The following KCNN2 variants were observed in gnomAD, a reference collection of about 807,000 sequenced individuals.
The protein encoded by KCNN2 is small conductance calcium-activated potassium channel protein 2.
In KCNN2, 24 loss-of-function variants were observed where a neutral mutation model predicts 55.5. That is an observed-to-expected ratio of 0.43 (90% CI 0.31 to 0.61). The LOEUF is 0.61. Ranked by LOEUF, KCNN2 falls within the 20% of genes least tolerant of loss-of-function variation. KCNN2 has a pLI of 0.08. For synonymous variants in KCNN2, 431 were observed against 336.1 expected, an observed-to-expected ratio of 1.28 and a Z score of -3.09; for missense variants, 754 against 853.6, an observed-to-expected ratio of 0.88 and a Z score of 1.45.
intron 2 of KCNN2, among the ~76,000 whole-genome samples, chr5:114,330,257 A>G (rs1756791080): frequency 6.6e-6 from 1 of 152,182 alleles, no homozygotes; most frequent in African/African-American, 2.4e-5. Context: ...TTAGTTCAGG[A>G]AGTTCCTGGG....
rs192223039 is a variant in KCNN2, at chr5:114,463,332, A to G, written c.1779+142A>G. On this transcript the variant is annotated intron_variant, in intron 4 of 7. Transcript: ENST00000673685. ...GTATAAATAAATCAATTTTGTGTTG[A>G]GAGAGAATGTCAACAGTTTTCCTCT... The G allele has an allele frequency of 3.5e-4, 216 of 609,508 alleles. No homozygotes were observed. In the East Asian group the frequency reaches 4.1e-3, roughly 12 times the overall value. 37.8% of individuals were successfully genotyped at this position (609,508 alleles called of 1,614,324 possible). A position where few individuals can be genotyped will look rare whatever the true frequency, so the allele number is the denominator to read the frequency against.
At chr5:114,470,215 T>A (rs961253633) in intron 4 of KCNN2, among the ~76,000 whole-genome samples, 13 of 152,184 alleles carry the variant, frequency 8.5e-5, no homozygotes, top group Admixed American at 5.9e-4. Context: ...GGATTTTGAT[T>A]TCTTTCCAGA....
chr5:114,391,876 T>C (rs1383613335), intron 2 of KCNN2, among the ~76,000 whole-genome samples: 1 of 152,132 alleles, frequency 6.6e-6, no homozygotes, highest in Non-Finnish European at 1.5e-5. Context: ...TTACTGTGAC[T>C]CTTTTGGTCT....
intron 2 of KCNN2, among the ~76,000 whole-genome samples, chr5:114,315,297 A>T (rs1378835849): frequency 6.6e-6 from 1 of 152,092 alleles, no homozygotes; most frequent in Non-Finnish European, 1.5e-5. Context: ...TTCTTTGGAT[A>T]TATCTGGGCA....
intron 1 of KCNN2, among the ~76,000 whole-genome samples, chr5:114,171,648 T>C (rs1407941717): frequency 1.3e-5 from 2 of 148,744 alleles, no homozygotes; most frequent in African/African-American, 4.9e-5. Context: ...TTTAAAATTG[T>C]GGAATTCCAG....
rs774444705 is a variant in KCNN2, at chr5:114,351,331, T to C, written c.-184-9614T>C. Among the ~76,000 whole-genome samples the C allele has an allele frequency of 2.3e-4, 35 of 151,770 alleles. 1 individual carries two copies. ...AAACCTGCTGATCCTGTTTATTAGT[T>C]CTAAGAGCATTTTAGTGAATTCCTT... On this transcript the variant is annotated intron_variant, in intron 2 of 10. Coordinates refer to the KCNN2 transcript ENST00000512097.
At chr5:114,107,078 G>A (rs1443904348) in intron 1 of KCNN2, among the ~76,000 whole-genome samples, 1 of 151,974 alleles carries the variant, frequency 6.6e-6, no homozygotes, top group Non-Finnish European at 1.5e-5. Context: ...TGAAGTCTAA[G>A]GGTCAAGGTT....
At chr5:114,141,669 ATGGTATT>A (rs1225848594) in intron 1 of KCNN2, among the ~76,000 whole-genome samples, 1 of 152,176 alleles carries the variant, frequency 6.6e-6, no homozygotes, top group African/African-American at 2.4e-5. Flanking sequence ...GCTGGGTCAA[ATGGTATT>A]TGAGTTCTAG....
rs1459891398 is a variant in KCNN2, at chr5:114,247,551, T to C, written c.-185+25986T>C. Reference sequence around the variant, plus strand: ...TAAATGAAAGGACCAGGATTGAAAGTAGATTAAGTATCCACTTTCAACTTA... The same window carrying C: ...TAAATGAAAGGACCAGGATTGAAAGCAGATTAAGTATCCACTTTCAACTTA... On this transcript the variant is annotated intron_variant, in intron 2 of 10. Transcript: ENST00000512097. Among the ~76,000 whole-genome samples the C allele has an allele frequency of 5.9e-5, 9 of 152,348 alleles. No homozygotes were observed. In the East Asian group the frequency reaches 1.7e-3, roughly 29 times the overall value.
chr5:114,340,698 A>G (rs1054196055), intron 2 of KCNN2, among the ~76,000 whole-genome samples: 16 of 151,562 alleles, frequency 1.1e-4, no homozygotes, highest in Non-Finnish European at 1.5e-4. Context: ...GTGTGATGGG[A>G]GCACTTAATA....
At chr5:114,372,563 C>T (rs1009266693) in intron 2 of KCNN2, among the ~76,000 whole-genome samples, 1 of 151,940 alleles carries the variant, frequency 6.6e-6, no homozygotes, top group Non-Finnish European at 1.5e-5. Context: ...ATGACCTAAT[C>T]CCTTTACTCT....
intron 1 of KCNN2, among the ~76,000 whole-genome samples, chr5:114,208,158 T>C (rs1183162232): frequency 2.0e-5 from 3 of 152,204 alleles, no homozygotes; most frequent in Non-Finnish European, 4.4e-5. Flanking sequence ...CTCTCATACA[T>C]GACAGAAAGT....
At chr5:114,330,665 T>C (rs1270655653) in intron 2 of KCNN2, among the ~76,000 whole-genome samples, 1 of 152,140 alleles carries the variant, frequency 6.6e-6, no homozygotes. Context: ...TCTCAATCTG[T>C]CTGACAAATT....
chr5:114,165,265 G>GA (rs1214510077), intron 1 of KCNN2, among the ~76,000 whole-genome samples: 1 of 152,136 alleles, frequency 6.6e-6, no homozygotes, highest in African/African-American at 2.4e-5. Flanking sequence ...CCCAGAGACT[G>GA]AAAGACAGAT....
rs575264746 is a variant in KCNN2, at chr5:114,268,688, G to A, written c.-185+47123G>A. 1.1e-3 allele frequency among the ~76,000 whole-genome samples: 169 copies of A among 152,284 alleles called. 1 individual carries two copies. Among genetic ancestry groups the A allele is most frequent in the African/African-American group, 4.0e-3 (166 of 41,556 alleles). On this transcript the variant is annotated intron_variant, in intron 2 of 10. Transcript: ENST00000512097. Reference sequence around the variant, plus strand: ...GACTGAAGTTCTGACACAGGTCTCCGGGTCATTTCTCTGCCCAGATAGAGC... The same window carrying A: ...GACTGAAGTTCTGACACAGGTCTCCAGGTCATTTCTCTGCCCAGATAGAGC...
intron 1 of KCNN2, among the ~76,000 whole-genome samples, chr5:114,196,849 T>C (rs1338912629): frequency 1.3e-5 from 2 of 152,056 alleles, no homozygotes; most frequent in Non-Finnish European, 2.9e-5. Context: ...TTTATTTCTG[T>C]TGTATTCTGT....
At chr5:114,260,262 A>G (rs1755075150) in intron 2 of KCNN2, among the ~76,000 whole-genome samples, 1 of 152,118 alleles carries the variant, frequency 6.6e-6, no homozygotes, top group Non-Finnish European at 1.5e-5. Context: ...TTATATTACC[A>G]ACTTCACATC....
At chr5:114,116,441 T>A (rs906149832) in intron 1 of KCNN2, among the ~76,000 whole-genome samples, 14 of 152,176 alleles carry the variant, frequency 9.2e-5, no homozygotes, top group Non-Finnish European at 1.3e-4. Context: ...TTGCTCCTTA[T>A]TAACATTGAT....
At chr5:114,449,896 AC>A in intron 3 of KCNN2, among the ~76,000 whole-genome samples, 1 of 88,818 alleles carries the variant, frequency 1.1e-5, no homozygotes, top group African/African-American at 3.1e-5. Context: ...ACACACACAC[AC>A]ACACACACAC....
Sources: allele counts gnomAD v4.1 joint callset (sites outside exome capture counted in the v4.1 genomes callset), GRCh38; gene constraint gnomAD v4.1.1; transcripts MANE v1.5; gene names NCBI Gene and HGNC (gene_info 2026-07-23, HGNC 2026-07-21).